The following ABLIM1 variants were observed in gnomAD, a reference collection of about 807,000 sequenced individuals.
The protein encoded by ABLIM1 is actin binding LIM protein 1.
In ABLIM1, 40 loss-of-function variants were observed where a neutral mutation model predicts 107.0. That is an observed-to-expected ratio of 0.37 (90% CI 0.29 to 0.49). The LOEUF is 0.49. ABLIM1 is among the 20% of genes least tolerant of loss of function. The probability of loss-of-function intolerance (pLI) is 0.97; values close to 1 mark genes in which losing one functional copy is unlikely to be tolerated. For synonymous variants in ABLIM1, 357 were observed against 357.3 expected, an observed-to-expected ratio of 1.00 and a Z score of 0.01; for missense variants, 857 against 1,008.5, an observed-to-expected ratio of 0.85 and a Z score of 2.04.
intron 1 of ABLIM1, among the ~76,000 whole-genome samples, chr10:114,630,915 A>C (rs2078133414): frequency 6.6e-6 from 1 of 152,228 alleles, no homozygotes; most frequent in South Asian, 2.1e-4. Flanking sequence ...AATAAGTTAC[A>C]GAAAAATGAT....
At chr10:114,448,704 C>T (rs2139510954) in intron 14 of ABLIM1, among the ~76,000 whole-genome samples, 1 of 152,144 alleles carries the variant, frequency 6.6e-6, no homozygotes, top group South Asian at 2.1e-4. Flanking sequence ...ACCTCTGTCT[C>T]CCAGGTTCAA....
At chr10:114,745,576 TATTTCCTA>T (rs2082366592) in intron 1 of ABLIM1, among the ~76,000 whole-genome samples, 1 of 150,636 alleles carries the variant, frequency 6.6e-6, no homozygotes, top group African/African-American at 2.4e-5. Flanking sequence ...ATATATAAAA[TATTTCCTA>T]ATTGGCCGGG....
intron 1 of ABLIM1, among the ~76,000 whole-genome samples, chr10:114,613,204 T>A (rs2076927172): frequency 6.6e-6 from 1 of 152,230 alleles, no homozygotes; most frequent in African/African-American, 2.4e-5. Flanking sequence ...ACTCCTGTGA[T>A]CCCATCAACC....
chr10:114,666,192 G>GT (rs1221937103), intron 1 of ABLIM1, among the ~76,000 whole-genome samples: 2 of 152,132 alleles, frequency 1.3e-5, no homozygotes, highest in Non-Finnish European at 2.9e-5. Flanking sequence ...CCAAGACAGG[G>GT]TATGCAATAC....
At chr10:114,749,483 C>CACA in intron 1 of ABLIM1, among the ~76,000 whole-genome samples, 1 of 150,702 alleles carries the variant, frequency 6.6e-6, no homozygotes, top group African/African-American at 2.5e-5. Context: ...CACACACACA[C>CACA]ACCACAAAAC....
At chr10:114,613,188 A>AT (rs1362909717) in intron 1 of ABLIM1, among the ~76,000 whole-genome samples, 1 of 152,246 alleles carries the variant, frequency 6.6e-6, no homozygotes, top group African/African-American at 2.4e-5. Context: ...GTATTCAAAG[A>AT]TAATAACTCC....
In ABLIM1 at chr10:114,491,827, G is replaced by C; in HGVS notation, c.946C>G (p.Gln316Glu). The C allele has an allele frequency of 6.2e-7, 1 of 1,612,630 alleles. No homozygotes were observed. Among genetic ancestry groups the C allele is most frequent in the Non-Finnish European group, 8.5e-7 (1 of 1,178,844 alleles). Reference sequence around the variant, plus strand: ...ATTTCCTCTCCTTCTGTGAACATCTGGTTGCATCTGCTGCATCGTGCACAG... The same window carrying C: ...ATTTCCTCTCCTTCTGTGAACATCTCGTTGCATCTGCTGCATCGTGCACAG... The part of the protein sequence containing the change: ...PSCARCSRCN[Q>E]MFTEGEEMYL... The change falls in exon 7 of 23, where the codon CAG becomes GAG. Residue 316 changes from glutamine (Q) to glutamate (E), a missense_variant. Around this residue, in one of 5 missense-constraint regions of ABLIM1, gnomAD observed 381 missense variants for 506.9 expected, o/e 0.75. Transcript: ENST00000533213.
chr10:114,456,837 G>A (rs1348806991), intron 12 of ABLIM1, among the ~76,000 whole-genome samples: 1 of 151,776 alleles, frequency 6.6e-6, no homozygotes, highest in Non-Finnish European at 1.5e-5. Context: ...AATTCCCAAG[G>A]ACTGGATTCT....
chr10:114,771,450 A>G (rs564118371), upstream of ABLIM1, among the ~76,000 whole-genome samples: 1 of 152,344 alleles, frequency 6.6e-6, no homozygotes, highest in Non-Finnish European at 1.5e-5. Context: ...CTATGTATTT[A>G]GCTTTAGTCT....
At chr10:114,451,728 A>G in intron 13 of ABLIM1, 57 bp from the exon 14 acceptor site, 1 of 1,437,424 alleles carries the variant, frequency 7.0e-7, no homozygotes. Flanking sequence ...GCGATGGGAA[A>G]AACAGATCAA....
intron 11 of ABLIM1, 57 bp downstream of exon 11, chr10:114,468,124 G>T: frequency 6.8e-7 from 1 of 1,480,140 alleles, no homozygotes; most frequent in Non-Finnish European, 9.4e-7. Flanking sequence ...GTCTAGGGAA[G>T]GGCCAAGCAA....
chr10:114,709,878 T>C (rs1456430465), intron 1 of ABLIM1, among the ~76,000 whole-genome samples: 1 of 152,228 alleles, frequency 6.6e-6, no homozygotes, highest in African/African-American at 2.4e-5. Context: ...GATGTTTAAC[T>C]TTGTGTTCAT....
At chr10:114,634,210 G>A (rs2078357861) in intron 1 of ABLIM1, among the ~76,000 whole-genome samples, 1 of 132,550 alleles carries the variant, frequency 7.5e-6, no homozygotes, top group Non-Finnish European at 1.5e-5. Flanking sequence ...TCGGCTCACT[G>A]CAAGCTCCGC....
intron 1 of ABLIM1, among the ~76,000 whole-genome samples, chr10:114,680,994 A>G (rs1331316420): frequency 6.6e-6 from 1 of 152,192 alleles, no homozygotes; most frequent in Non-Finnish European, 1.5e-5. Flanking sequence ...TGAAGCTACC[A>G]ATTAGAGACA....
intron 14 of ABLIM1, 108 bp downstream of exon 14, chr10:114,451,516 C>T (rs2061895399): frequency 1.0e-6 from 1 of 1,004,580 alleles, no homozygotes; most frequent in Non-Finnish European, 1.6e-6. Context: ...CTGGATGCCC[C>T]AGTTTTACTC....
intron 13 of ABLIM1, 45 bp downstream of exon 13, chr10:114,453,334 T>C: frequency 6.3e-7 from 1 of 1,589,766 alleles, no homozygotes; most frequent in Middle Eastern, 1.7e-4. Flanking sequence ...GGCTACATTC[T>C]ACACTGTGAC....
intron 1 of ABLIM1, among the ~76,000 whole-genome samples, chr10:114,765,259 C>T (rs2082862719): frequency 6.6e-6 from 1 of 151,886 alleles, no homozygotes; most frequent in Non-Finnish European, 1.5e-5. Flanking sequence ...ATTGGCCAGG[C>T]TGGTCTCAAA....
intron 1 of ABLIM1, among the ~76,000 whole-genome samples, chr10:114,611,303 C>T (rs1308257584): frequency 6.6e-6 from 1 of 152,110 alleles, no homozygotes; most frequent in Admixed American, 6.5e-5. Context: ...CCCTTCTCTA[C>T]TAAAAATACA....
chr10:114,752,601 T>C (rs1209833243), intron 1 of ABLIM1, among the ~76,000 whole-genome samples: 1 of 152,160 alleles, frequency 6.6e-6, no homozygotes, highest in Admixed American at 6.5e-5. Flanking sequence ...CAACCCCACC[T>C]GCCAACAGGC....
Sources: allele counts gnomAD v4.1 joint callset (sites outside exome capture counted in the v4.1 genomes callset), GRCh38; gene constraint gnomAD v4.1.1; regional missense constraint gnomAD v4.1.1; transcripts MANE v1.5; gene names NCBI Gene and HGNC (gene_info 2026-07-23, HGNC 2026-07-21).